The following RFESD variants were observed in gnomAD, a reference collection of about 807,000 sequenced individuals.
The protein encoded by RFESD is Rieske Fe-S domain containing.
Under a neutral mutation model 24.4 loss-of-function variants are expected in RFESD, and 16 were observed. The ratio of observed to expected loss-of-function variants is 0.66; its 90% CI spans 0.44 to 1.00. RFESD has a LOEUF of 1.00. Among genes scored for constraint, RFESD ranks in the 50% least tolerant of loss-of-function variants. RFESD has a pLI of 0.00. For synonymous variants in RFESD, 59 were observed against 81.8 expected, an observed-to-expected ratio of 0.72 and a Z score of 1.50; for missense variants, 208 against 247.0, an observed-to-expected ratio of 0.84 and a Z score of 1.06.
At chr5:95,650,725 C>CT (rs1208031829) in intron 1 of RFESD, among the ~76,000 whole-genome samples, 1 of 152,160 alleles carries the variant, frequency 6.6e-6, no homozygotes, top group African/African-American at 2.4e-5. Flanking sequence ...AAACAATTTC[C>CT]CTTTTTTGGG....
At chr5:95,652,433 C>G in intron 2 of RFESD, 102 bp downstream of exon 2, 1 of 1,399,576 alleles carries the variant, frequency 7.1e-7, no homozygotes, top group Non-Finnish European at 9.7e-7. Flanking sequence ...GACATCTCTA[C>G]TTGGATGTCT....
chr5:95,652,533 C>T, intron 2 of RFESD: 1 of 611,050 alleles, frequency 1.6e-6, no homozygotes, highest in South Asian at 4.6e-5. Context: ...TGGCCTTTCT[C>T]CTCACAGTCT....
intron 1 of RFESD, among the ~76,000 whole-genome samples, chr5:95,650,237 T>A (rs1342477092): frequency 2.0e-5 from 3 of 152,150 alleles, no homozygotes; most frequent in Non-Finnish European, 2.9e-5. Context: ...TAAAAAAAAA[T>A]TAGAGCAGAA....
At chr5:95,648,488 A>G (rs1750193176) in intron 1 of RFESD, among the ~76,000 whole-genome samples, 1 of 152,220 alleles carries the variant, frequency 6.6e-6, no homozygotes, top group Admixed American at 6.5e-5. Flanking sequence ...GGCTTTCCCT[A>G]TTGTGTGAAT....
rs1364465536 is a variant in RFESD at position 95,656,647 on chromosome 5, AT to A, written c.*341del. 5.5e-5 allele frequency: 9 copies of A among 163,308 alleles called. 1 individual carries two copies. Among genetic ancestry groups the A allele is most frequent in the African/African-American group, 2.2e-4 (9 of 41,846 alleles). The allele number at this position is 163,308 out of a possible 1,614,324, so 10.1% of individuals were successfully genotyped here. On this transcript the variant is annotated 3_prime_UTR_variant, in exon 6 of 6. Coordinates refer to ENST00000380005, the MANE Select transcript of RFESD (RefSeq NM_001131066.2). Reference sequence around the variant, plus strand: ...AAGAAAAAATTTTTTAATTTAAAAAATTTAATTTTTAAAATAGGAAAAAATC... The same window carrying A: ...AAGAAAAAATTTTTTAATTTAAAAAATTAATTTTTAAAATAGGAAAAAATC...
At chr5:95,653,990 G>T in intron 3 of RFESD, 71 bp from the exon 4 acceptor site, 1 of 1,280,200 alleles carries the variant, frequency 7.8e-7, no homozygotes, top group East Asian at 2.4e-5. Context: ...TCATTCTTAG[G>T]GTTATCTCCA....
intron 1 of RFESD, among the ~76,000 whole-genome samples, chr5:95,651,371 T>C (rs1750328745): frequency 6.6e-6 from 1 of 152,172 alleles, no homozygotes; most frequent in Non-Finnish European, 1.5e-5. Context: ...GTTTAATATC[T>C]TGAGCATTCC....
In RFESD at chr5:95,656,445, T is replaced by G; in HGVS notation, c.*136T>G. On this transcript the variant is annotated 3_prime_UTR_variant, in exon 6 of 6. Coordinates refer to ENST00000380005, the MANE Select transcript of RFESD (RefSeq NM_001131066.2). ...AAAATTCACATACATTTGAGAGGTTTAAGAGCACACATACTTAGTATGATG... is the reference window on the plus strand; with the variant it reads ...AAAATTCACATACATTTGAGAGGTTGAAGAGCACACATACTTAGTATGATG... 1 of 642,748 alleles carries G rather than the reference T, an allele frequency of 1.6e-6. No homozygotes were observed. Among genetic ancestry groups the G allele is most frequent in the East Asian group, 2.7e-5 (1 of 36,776 alleles). The allele number at this position is 642,748 out of a possible 1,614,324, so 39.8% of individuals were successfully genotyped here.
intron 1 of RFESD, among the ~76,000 whole-genome samples, chr5:95,649,219 A>C (rs562600180): frequency 1.3e-5 from 2 of 152,334 alleles, no homozygotes; most frequent in Non-Finnish European, 2.9e-5. Flanking sequence ...CCTATAGTAC[A>C]TATATCCATG....
intron 3 of RFESD, among the ~76,000 whole-genome samples, chr5:95,653,656 T>C (rs984193962): frequency 1.5e-4 from 23 of 152,194 alleles, no homozygotes; most frequent in African/African-American, 5.3e-4. Context: ...CCCAGCACTT[T>C]GGGAGACTGA....
chr5:95,657,226 T>G lies in RFESD; in HGVS notation c.*917T>G, dbSNP rs564506976. On this transcript the variant is annotated 3_prime_UTR_variant, in exon 6 of 6. Transcript: ENST00000380005. ...GATCTAGGGTTTTGTTCCTTGGAGT[T>G]CCCGAGCAAGGTTGATGTTCAGTTG... The G allele has an allele frequency of 6.6e-6, 1 of 152,256 alleles. No homozygotes were observed. Among genetic ancestry groups the G allele is most frequent in the East Asian group, 1.9e-4 (1 of 5,176 alleles). The allele number at this position is 152,256 out of a possible 1,614,324, so 9.4% of individuals were successfully genotyped here.
In RFESD at chr5:95,652,123, C is replaced by CTT; in HGVS notation, c.-135-6_-135-5dup. ...GAATTTATGTGGCCTCATTGCCTGCCTTTTTTTTTCCAGGTTACCACCTAT... is the reference window on the plus strand; with the variant it reads ...GAATTTATGTGGCCTCATTGCCTGCCTTTTTTTTTTTCCAGGTTACCACCTAT... On this transcript the variant is annotated splice_polypyrimidine_tract_variant and intron_variant, in intron 1 of 5. Transcript: ENST00000380005. 1.9e-6 allele frequency: 2 copies of CTT among 1,037,606 alleles called. No individual in the cohort carries two copies. The highest frequency in any genetic ancestry group is 2.6e-6 in the Non-Finnish European group (2 of 758,832). 64.3% of individuals were successfully genotyped at this position (1,037,606 alleles called of 1,614,324 possible).
intron 5 of RFESD, 164 bp from the exon 6 acceptor site, chr5:95,655,882 C>A: frequency 1.6e-6 from 1 of 607,054 alleles, no homozygotes; most frequent in South Asian, 2.4e-5. Context: ...CTTGATGACT[C>A]TTCTCAGATT....
At position 95,657,331 on chromosome 5, in the gene RFESD, A is replaced by G. The variant is rs1426948066; in HGVS notation, c.*1022A>G. 1 of 151,882 alleles carries G rather than the reference A, an allele frequency of 6.6e-6. No homozygotes were observed. The highest frequency in any genetic ancestry group is 1.9e-4 in the East Asian group (1 of 5,148). The allele number at this position is 151,882 out of a possible 1,614,324, so 9.4% of individuals were successfully genotyped here. A position where few individuals can be genotyped will look rare whatever the true frequency, so the allele number is the denominator to read the frequency against. On this transcript the variant is annotated 3_prime_UTR_variant, in exon 6 of 6. Transcript: ENST00000380005. ...ATGATGGTCATACCGTACCAGTTGT[A>G]ATGTATTTAAAATAACACCCCAAGC... is the stretch of plus-strand genomic sequence containing the variant.
intron 2 of RFESD, chr5:95,652,907 G>C: frequency 1.7e-6 from 1 of 604,448 alleles, no homozygotes. Flanking sequence ...ACAGAGCCGG[G>C]AGCATTCTTT....
intron 1 of RFESD, among the ~76,000 whole-genome samples, chr5:95,651,690 C>T (rs1750350505): frequency 6.6e-6 from 1 of 152,210 alleles, no homozygotes; most frequent in African/African-American, 2.4e-5. Context: ...AGCCACTGGC[C>T]TGAGTCATTA....
Position 95,656,615 on chromosome 5 carries a change from G to T in RFESD, c.*306G>T, listed in dbSNP as rs1240161096. ...AAACAAATAATAGGTAAAAATTAAG[G>T]ATTAGTAAGAAAAAATTTTTTAATT... On this transcript the variant is annotated 3_prime_UTR_variant, in exon 6 of 6. Coordinates refer to ENST00000380005, the MANE Select transcript of RFESD (RefSeq NM_001131066.2). 2 of 179,842 alleles carry T rather than the reference G, an allele frequency of 1.1e-5. No homozygotes were observed. The highest frequency in any genetic ancestry group is 2.3e-5 in the Non-Finnish European group (2 of 87,324). 11.1% of individuals were successfully genotyped at this position (179,842 alleles called of 1,614,324 possible). A position where few individuals can be genotyped will look rare whatever the true frequency, so the allele number is the denominator to read the frequency against.
At chr5:95,653,316 G>A in intron 3 of RFESD, 102 bp downstream of exon 3, 2 of 1,483,846 alleles carry the variant, frequency 1.3e-6, no homozygotes. Flanking sequence ...GCAAAACCAA[G>A]TGGACCACCT....
In RFESD at chr5:95,654,111, C is replaced by G. The variant is rs777723877; in HGVS notation, c.209C>G (p.Ser70Cys). ...AQDPEKREYS[S>C]VCVGREDDIK... Reference sequence around the variant, plus strand: ...GATCCTGAAAAGAGGGAATATTCTTCTGTGTGTGTGGGCAGAGAAGATGAC... The same window carrying G: ...GATCCTGAAAAGAGGGAATATTCTTGTGTGTGTGTGGGCAGAGAAGATGAC... The change falls in exon 4 of 6, where the codon TCT (serine) becomes TGT (cysteine). Residue 70 changes from serine (S) to cysteine (C), a missense_variant. Ser to Cys is a moderately radical substitution (Grantham distance 112). Coordinates refer to ENST00000380005, the MANE Select transcript of RFESD (RefSeq NM_001131066.2). 13 of 1,611,832 alleles carry G rather than the reference C, an allele frequency of 8.1e-6. No individual in the cohort carries two copies. The highest frequency in any genetic ancestry group is 1.0e-5 in the Non-Finnish European group (12 of 1,179,726).
Sources: gnomAD v4.1 joint callset for allele counts (sites outside exome capture counted in the v4.1 genomes callset) on GRCh38, gnomAD v4.1.1 for gene constraint, MANE v1.5 for transcripts, NCBI Gene and HGNC (gene_info 2026-07-23, HGNC 2026-07-21) for gene names.